The following PARD3B variants were observed in gnomAD, a reference collection of about 807,000 sequenced individuals.
The protein encoded by PARD3B is par-3 family cell polarity regulator beta, also known as partitioning defective 3 homolog B.
A neutral mutation model predicts 130.2 loss-of-function variants in PARD3B; 103 were observed. That is an observed-to-expected ratio of 0.79 (90% CI 0.67 to 0.93). PARD3B has a LOEUF of 0.93. Among genes scored for constraint, PARD3B ranks in the 40% least tolerant of loss-of-function variants. The pLI, the probability that PARD3B is intolerant of heterozygous loss-of-function variation, is 0.00. For missense variants in PARD3B, 1,609 were observed against 1,499.2 expected (o/e 1.07, Z -1.21); for synonymous variants, 583 against 553.2 (o/e 1.05, Z -0.76).
intron 2 of PARD3B, among the ~76,000 whole-genome samples, chr2:204,760,181 TG>T (rs1559122646): frequency 6.6e-6 from 1 of 152,130 alleles, no homozygotes; most frequent in Non-Finnish European, 1.5e-5. Context: ...AAATAATGCT[TG>T]TATGATATTT....
intron 16 of PARD3B, among the ~76,000 whole-genome samples, chr2:205,279,984 C>T (rs1288904125): frequency 6.6e-6 from 1 of 152,160 alleles, no homozygotes; most frequent in Non-Finnish European, 1.5e-5. Context: ...CACTTATTTT[C>T]ATTCCAGAGT....
intron 2 of PARD3B, among the ~76,000 whole-genome samples, chr2:204,690,208 C>G (rs2037290419): frequency 6.6e-6 from 1 of 152,100 alleles, no homozygotes; most frequent in South Asian, 2.1e-4. Flanking sequence ...CACTTGAAGT[C>G]TAACCACCAT....
rs780330307 is a variant in PARD3B at position 205,121,682 on chromosome 2, G to C, written c.898G>C (p.Val300Leu). 3.1e-6 allele frequency: 5 copies of C among 1,614,188 alleles called. No homozygotes were observed. Among genetic ancestry groups the C allele is most frequent in the Non-Finnish European group, 4.2e-6 (5 of 1,180,040 alleles). The change falls in exon 8 of 23, where the codon GTC becomes CTC. Residue 300 changes from valine (V) to leucine (L), a missense_variant. By Grantham distance (32) the Val-to-Leu change is conservative. Coordinates refer to ENST00000406610, the MANE Select transcript of PARD3B (RefSeq NM_001302769.2). The surrounding 1 kb of genome is among the most constrained non-coding windows in gnomAD (Gnocchi z 5.0). ...PQNREQYEKS[V>L]IGSLNIFGNN... is the part of the protein sequence containing the mutation. ...AAACCGTGAACAGTATGAAAAGTCAGTCATTGGCTCTCTTAACATTTTTGG... is the reference window on the plus strand; with the variant it reads ...AAACCGTGAACAGTATGAAAAGTCACTCATTGGCTCTCTTAACATTTTTGG...
intron 16 of PARD3B, among the ~76,000 whole-genome samples, chr2:205,256,073 T>A (rs2040069429): frequency 6.6e-6 from 1 of 152,092 alleles, no homozygotes; most frequent in African/African-American, 2.4e-5. Context: ...CAAAGATACA[T>A]CACTTTGGAG....
chr2:204,624,652 C>T (rs2034424539), intron 1 of PARD3B, among the ~76,000 whole-genome samples: 1 of 152,060 alleles, frequency 6.6e-6, no homozygotes, highest in African/African-American at 2.4e-5. Flanking sequence ...TGCTTGTTTC[C>T]AGTTTTTGGT....
chr2:205,021,942 C>G lies in PARD3B; in HGVS notation c.395-25639C>G. Among the ~76,000 whole-genome samples, 1 of 151,948 alleles carries G rather than the reference C, an allele frequency of 6.6e-6. No individual in the cohort carries two copies. The highest frequency in any genetic ancestry group is 1.5e-5 in the Non-Finnish European group (1 of 67,970). On this transcript the variant is annotated intron_variant, in intron 3 of 22. Transcript: ENST00000406610. The surrounding 1 kb of genome is among the most constrained non-coding windows in gnomAD (Gnocchi z 4.5). ...TTAGGAGAAAATGGAAAAGAAAATCCAAATACTCCAAAAAATCCAATGCAA... is the reference window on the plus strand; with the variant it reads ...TTAGGAGAAAATGGAAAAGAAAATCGAAATACTCCAAAAAATCCAATGCAA...
At chr2:204,802,983 TATA>T (rs147774357) in intron 2 of PARD3B, among the ~76,000 whole-genome samples, 11,985 of 148,822 alleles carry the variant, frequency 0.081, 687 homozygotes, top group African/African-American at 0.16. Context: ...GAAACTAAAG[TATA>T]ATAATAATAA....
intron 2 of PARD3B, among the ~76,000 whole-genome samples, chr2:204,776,843 G>A (rs1341179237): frequency 6.6e-6 from 1 of 151,828 alleles, no homozygotes; most frequent in Admixed American, 6.6e-5. Context: ...GGAGGGTTAT[G>A]TTAAATATGC....
intron 1 of PARD3B, among the ~76,000 whole-genome samples, chr2:204,632,978 G>A (rs73984257): frequency 0.021 from 3,204 of 152,248 alleles, 124 homozygotes; most frequent in East Asian, 0.13. Context: ...ATCCATGCAT[G>A]TGCTGATGGA....
At chr2:205,127,866 A>G (rs2031615157) in intron 10 of PARD3B, among the ~76,000 whole-genome samples, 1 of 152,238 alleles carries the variant, frequency 6.6e-6, no homozygotes, top group African/African-American at 2.4e-5. Flanking sequence ...TAGAGAAATG[A>G]TGCAGAAACT....
Position 205,401,050 on chromosome 2 carries a change from G to C in PARD3B, c.2668G>C (p.Glu890Gln). 6.2e-7 allele frequency: 1 copy of C among 1,603,478 alleles called. No individual in the cohort carries two copies. The part of the protein sequence containing the change: ...KKKEDKGGKA[E>Q]QKGTLKHGGL... ...GAAAGAGGATAAGGGTGGAAAGGCT[G>C]AGCAGAAAGGTACTCTGAAACATGG... Residue 890 changes from glutamate (E) to glutamine (Q), a missense_variant, in exon 19 of 23, where the codon GAG becomes CAG. Glu to Gln is a conservative substitution (Grantham distance 29). Transcript: ENST00000406610.
rs13390622 is a variant in PARD3B, at chr2:205,160,002, C to T, written c.1620+1095C>T. ...TCCCACAGCAAAGCCAAGAAGGCCC[C>T]GTTACACTCAACAGAGCACCCCTGC... On this transcript the variant is annotated intron_variant, in intron 11 of 22. Coordinates refer to ENST00000406610, the MANE Select transcript of PARD3B (RefSeq NM_001302769.2). This position sits in a 1 kb window ranked among gnomAD's most constrained non-coding sequence, Gnocchi z 4.0. Among the ~76,000 whole-genome samples the T allele has an allele frequency of 2.0e-3, 301 of 152,266 alleles. 2 individuals carry two copies. Among genetic ancestry groups the T allele is most frequent in the African/African-American group, 6.9e-3 (287 of 41,554 alleles).
chr2:205,451,983 A>G (rs2048120132), intron 20 of PARD3B, among the ~76,000 whole-genome samples: 1 of 152,166 alleles, frequency 6.6e-6, no homozygotes, highest in Non-Finnish European at 1.5e-5. Flanking sequence ...CTGTCTAAAT[A>G]ACTCCTAGAG....
In PARD3B at chr2:204,623,408, G is replaced by A. The variant is rs1041128010; in HGVS notation, c.121-62773G>A. Reference sequence around the variant, plus strand: ...TTCTACCATCACAAAAACCTCCCTCGTGCCACCCCTTTATAGTCATACCCA... The same window carrying A: ...TTCTACCATCACAAAAACCTCCCTCATGCCACCCCTTTATAGTCATACCCA... On this transcript the variant is annotated intron_variant, in intron 1 of 22. Transcript: ENST00000406610. This position sits in a 1 kb window ranked among gnomAD's most constrained non-coding sequence, Gnocchi z 4.5. 1.1e-4 allele frequency among the ~76,000 whole-genome samples: 17 copies of A among 151,862 alleles called. No homozygotes were observed. The highest frequency in any genetic ancestry group is 7.3e-5 in the African/African-American group (3 of 41,360).
intron 2 of PARD3B, among the ~76,000 whole-genome samples, chr2:204,690,114 T>A (rs2037286522): frequency 6.6e-6 from 1 of 152,204 alleles, no homozygotes; most frequent in East Asian, 1.9e-4. Context: ...CTACCTCTGT[T>A]GCTTTCTTTT....
chr2:205,468,439 G>A (rs1010494178), intron 20 of PARD3B, among the ~76,000 whole-genome samples: 3 of 152,210 alleles, frequency 2.0e-5, no homozygotes, highest in African/African-American at 7.2e-5. Context: ...AAAAGATGAT[G>A]TAACAACAGA....
chr2:204,827,893 C>G (rs527443484), intron 2 of PARD3B, among the ~76,000 whole-genome samples: 16 of 152,224 alleles, frequency 1.1e-4, no homozygotes, highest in South Asian at 1.0e-3. Flanking sequence ...ATGAATGAAT[C>G]AGTTTTTCAC....
At chr2:204,676,771 G>A (rs1248438910) in intron 1 of PARD3B, among the ~76,000 whole-genome samples, 1 of 148,026 alleles carries the variant, frequency 6.8e-6, no homozygotes, top group Non-Finnish European at 1.5e-5. Flanking sequence ...CTGGATTCAA[G>A]CAATTCTCCT....
At chr2:204,728,259 G>GTT (rs1263486690) in intron 2 of PARD3B, among the ~76,000 whole-genome samples, 1 of 152,096 alleles carries the variant, frequency 6.6e-6, no homozygotes, top group African/African-American at 2.4e-5. Context: ...GTTCTAGAAA[G>GTT]TTGTTGGGTA....
Sources: allele counts gnomAD v4.1 joint callset (sites outside exome capture counted in the v4.1 genomes callset), GRCh38; gene constraint gnomAD v4.1.1; non-coding constraint Gnocchi (gnomAD v3.1); transcripts MANE v1.5; gene names NCBI Gene and HGNC (gene_info 2026-07-23, HGNC 2026-07-21).